The following RP1 variants were observed in gnomAD, a reference collection of about 807,000 sequenced individuals.
The protein encoded by RP1 is oxygen-regulated protein 1.
Under a neutral mutation model 14.8 loss-of-function variants are expected in RP1, and 16 were observed. The ratio of observed to expected loss-of-function variants is 1.08; its 90% confidence interval spans 0.73 to 1.65. RP1 has a LOEUF of 1.65. Among genes scored for constraint, RP1 ranks in the 40% most tolerant of loss-of-function variants. RP1 has a pLI of 0.00. For synonymous variants in RP1, 876 were observed against 883.6 expected (o/e 0.99, Z 0.15); for missense variants, 2,631 against 2,535.0 (o/e 1.04, Z -0.81).
rs2129316820 is a variant in RP1 at position 54,626,628 on chromosome 8, ATACAGAGTTGGTTGCAG to A, written c.2747_2763del (p.Ile916LysfsTer18). On this transcript the variant is annotated frameshift_variant, in exon 4 of 4. Transcript: ENST00000220676. LOFTEE classifies it low-confidence loss of function (END_TRUNC). ...TGCTCATCATTCAATTCAAAATTATATACAGAGTTGGTTGCAGAACATAAATCCATATCCAACTTTAA... is the reference window on the plus strand; with the variant it reads ...TGCTCATCATTCAATTCAAAATTATAAACATAAATCCATATCCAACTTTAA... 6.2e-7 allele frequency: 1 copy of A among 1,613,842 alleles called. No homozygotes were observed. Among genetic ancestry groups the A allele is most frequent in the African/African-American group, 1.3e-5 (1 of 75,050 alleles).
At chr8:54,638,098 A>G (rs956306835) in intron 3 of RP1, among the ~76,000 whole-genome samples, 2 of 152,140 alleles carry the variant, frequency 1.3e-5, no homozygotes, top group Non-Finnish European at 2.9e-5. Context: ...TTGTTTATTG[A>G]AATCTTAGTT....
intron 16 of RP1, among the ~76,000 whole-genome samples, chr8:54,725,734 C>G (rs1240882557): frequency 6.6e-6 from 1 of 152,098 alleles, no homozygotes; most frequent in Non-Finnish European, 1.5e-5. Context: ...TATGCCTATG[C>G]CTGATCCTAG....
At position 54,625,898 on chromosome 8, in the gene RP1, G is replaced by C. The variant is rs200252967; in HGVS notation, c.2016G>C (p.Lys672Asn). The change falls in exon 4 of 4, where the codon AAG (lysine) becomes AAC (asparagine). Residue 672 changes from lysine to asparagine, a missense_variant. Coordinates refer to ENST00000220676, the MANE Select transcript of RP1 (RefSeq NM_006269.2). ...KKILSSVASK[K>N]KKKSRQQAIN... ...TTTTGTCATCTGTTGCCAGCAAAAAGAAGAAAAAATCTCGACAGCAAGCAA... is the reference window on the plus strand; with the variant it reads ...TTTTGTCATCTGTTGCCAGCAAAAACAAGAAAAAATCTCGACAGCAAGCAA... 3 of 1,613,688 alleles carry C rather than the reference G, an allele frequency of 1.9e-6. No homozygotes were observed. The highest frequency in any genetic ancestry group is 2.5e-6 in the Non-Finnish European group (3 of 1,179,872).
rs1229978294 is a variant in RP1, at chr8:54,625,687, A to G, written c.1805A>G (p.Asn602Ser). 1.2e-6 allele frequency: 2 copies of G among 1,614,130 alleles called. No homozygotes were observed. The highest frequency in any genetic ancestry group is 1.7e-6 in the Non-Finnish European group (2 of 1,179,994). Reference protein sequence around the residue: ...IKNFKTYGNTNDRFSPISADA... With the variant: ...IKNFKTYGNTSDRFSPISADA... ...AACTTCAAAACTTATGGTAACACCA[A>G]TGATAGGTTCAGTCCTATTTCAGCA... The change falls in exon 4 of 4, where the codon AAT becomes AGT. Residue 602 changes from asparagine (N) to serine (S), a missense_variant. Coordinates refer to ENST00000220676, the MANE Select transcript of RP1 (RefSeq NM_006269.2).
At chr8:54,720,180 G>A in exon 16 of RP1, 1 of 1,535,572 alleles carries the variant, frequency 6.5e-7, no homozygotes, top group Non-Finnish European at 8.7e-7. Context: ...CTTGAAGAAT[G>A]CATCCATAAG....
chr8:54,858,243 T>C (rs1812250719), intron 27 of RP1, among the ~76,000 whole-genome samples: 3 of 152,018 alleles, frequency 2.0e-5, no homozygotes. Flanking sequence ...AGAAAGAAAA[T>C]AGACACATAG....
At chr8:54,605,736 T>A (rs1221720264) in intron 1 of RP1, among the ~76,000 whole-genome samples, 2 of 152,186 alleles carry the variant, frequency 1.3e-5, no homozygotes, top group East Asian at 1.9e-4. Flanking sequence ...TATTCGGTGC[T>A]TATATATTTA....
intron 25 of RP1, among the ~76,000 whole-genome samples, chr8:54,845,915 T>A (rs561003662): frequency 7.2e-4 from 110 of 152,318 alleles, no homozygotes; most frequent in African/African-American, 2.5e-3. Context: ...CTGGTCCTAA[T>A]GTTCTATGCA....
rs749195619 is a variant in RP1, at chr8:54,626,262, G to A, written c.2380G>A (p.Glu794Lys). Residue 794 changes from glutamate to lysine, a missense_variant, in exon 4 of 4, where the codon GAA becomes AAA. Coordinates refer to ENST00000220676, the MANE Select transcript of RP1 (RefSeq NM_006269.2). ...KISLGAPKKR[E>K]IGQRDKVFPH... is the part of the protein sequence containing the mutation. Reference sequence around the variant, plus strand: ...AAGCTTAGGAGCACCTAAAAAAAGAGAAATCGGTCAAAGAGATAAAGTGTT... The same window carrying A: ...AAGCTTAGGAGCACCTAAAAAAAGAAAAATCGGTCAAAGAGATAAAGTGTT... 1.9e-6 allele frequency: 3 copies of A among 1,613,332 alleles called. No homozygotes were observed. The Admixed American group carries it at 5.0e-5, about 27-fold the overall frequency.
chr8:54,702,908 T>C (rs773096449), intron 14 of RP1, among the ~76,000 whole-genome samples: 1 of 152,244 alleles, frequency 6.6e-6, no homozygotes, highest in Non-Finnish European at 1.5e-5. Flanking sequence ...CCATAAGAAG[T>C]AATCTTTCAT....
intron 12 of RP1, among the ~76,000 whole-genome samples, chr8:54,693,483 T>C (rs1807771877): frequency 6.6e-6 from 1 of 152,196 alleles, no homozygotes; most frequent in Non-Finnish European, 1.5e-5. Context: ...TTGTATCCTC[T>C]TTTATTTCGT....
intron 22 of RP1, among the ~76,000 whole-genome samples, chr8:54,765,980 A>G (rs776983824): frequency 1.4e-4 from 21 of 151,956 alleles, no homozygotes; most frequent in Non-Finnish European, 2.6e-4. Context: ...TTTAGCAAAT[A>G]TTTATAGATA....
At chr8:54,811,598 G>A (rs1056477588) in intron 24 of RP1, among the ~76,000 whole-genome samples, 4 of 152,118 alleles carry the variant, frequency 2.6e-5, no homozygotes, top group African/African-American at 2.4e-5. Context: ...ACATGGCACC[G>A]GACAGACATA....
At chr8:54,722,046 C>T (rs963134980) in intron 16 of RP1, among the ~76,000 whole-genome samples, 4 of 151,742 alleles carry the variant, frequency 2.6e-5, no homozygotes, top group Non-Finnish European at 5.9e-5. Flanking sequence ...AATTTGAGAC[C>T]GGCCTGGCCA....
intron 1 of RP1, among the ~76,000 whole-genome samples, chr8:54,593,649 C>T (rs1483209017): frequency 1.3e-5 from 2 of 152,140 alleles, no homozygotes; most frequent in African/African-American, 4.8e-5. Context: ...CAGGAAAGAC[C>T]AGGACAGGGA....
chr8:54,561,103 AC>A (rs1225833046), intron 1 of RP1: 1 of 152,074 alleles, frequency 6.6e-6, no homozygotes, highest in African/African-American at 2.4e-5. Flanking sequence ...TGGATGAGCC[AC>A]CCTGGGAGAT....
chr8:54,750,612 C>T (rs2375224), intron 19 of RP1, among the ~76,000 whole-genome samples: 11 of 24,340 alleles, frequency 4.5e-4, no homozygotes, highest in South Asian at 1.2e-3. Context: ...GATTGTAAAA[C>T]GCACCAATCA....
chr8:54,775,374 A>G (rs1408426119), intron 23 of RP1, among the ~76,000 whole-genome samples: 1 of 152,174 alleles, frequency 6.6e-6, no homozygotes, highest in East Asian at 1.9e-4. Context: ...TTTGCTGTAC[A>G]CTATTAGGTC....
intron 26 of RP1, among the ~76,000 whole-genome samples, chr8:54,854,343 C>T (rs1812137904): frequency 6.6e-6 from 1 of 152,162 alleles, no homozygotes; most frequent in Admixed American, 6.5e-5. Flanking sequence ...AGAAACATAT[C>T]CACACATCCT....
Sources: allele counts gnomAD v4.1 joint callset (sites outside exome capture counted in the v4.1 genomes callset), GRCh38; gene constraint gnomAD v4.1.1; transcripts MANE v1.5; gene names NCBI Gene and HGNC (gene_info 2026-07-23, HGNC 2026-07-21).